Variants in GPATCH2L observed in about 807,000 individuals in gnomAD.
GPATCH2L encodes G-patch domain containing 2 like.
GPATCH2L carries 31 observed loss-of-function variants against 57.4 expected under a neutral mutation model. That is an observed-to-expected ratio of 0.54 (90% CI 0.41 to 0.73). The LOEUF is 0.73. Ranked by LOEUF, GPATCH2L falls within the 30% of genes least tolerant of loss-of-function variation. GPATCH2L has a pLI of 0.00. For missense variants in GPATCH2L, 481 were observed against 599.9 expected (o/e 0.80, Z 2.07); for synonymous variants, 199 against 210.7 (o/e 0.94, Z 0.48).
rs1007223469 is a variant in GPATCH2L at position 76,201,976 on chromosome 14, T to G, written c.*125T>G. 5 of 685,460 alleles carry G rather than the reference T, an allele frequency of 7.3e-6. No homozygotes were observed. The African/African-American group carries it at 9.2e-5, about 13-fold the overall frequency. The allele number at this position is 685,460 out of a possible 1,614,324, so 42.5% of individuals were successfully genotyped here. On this transcript the variant is annotated 3_prime_UTR_variant, in exon 10 of 10. Transcript: ENST00000261530. ...TCCTTTCACCACCAGAACCAACTCC[T>G]CTTTCAAACACAGCAGTGGATTCTT...
rs570432912 is a variant in GPATCH2L at position 76,173,419 on chromosome 14, C to G, written c.905-127C>G. On this transcript the variant is annotated intron_variant, in intron 4 of 9. Transcript: ENST00000261530. The stretch of plus-strand genomic sequence containing the variant: ...GGAATAATAAATCCTTGGCAAATAG[C>G]TCTGTGATGCTAGTTTAAAGGTCAA... The G allele has an allele frequency of 3.2e-5, 19 of 601,260 alleles. No homozygotes were observed. In the African/African-American group the frequency reaches 3.5e-4, roughly 11 times the overall value. 37.2% of individuals were successfully genotyped at this position (601,260 alleles called of 1,614,324 possible). A position where few individuals can be genotyped will look rare whatever the true frequency, so the allele number is the denominator to read the frequency against.
rs1286221049 is a variant in GPATCH2L, at chr14:76,210,712, A to C, written c.*8861A>C. On this transcript the variant is annotated 3_prime_UTR_variant, in exon 10 of 10. Coordinates refer to ENST00000261530, the MANE Select transcript of GPATCH2L (RefSeq NM_017926.4). ...TGTACCAAGGCACAACTGATTCCTA[A>C]GTGAGGGGGATATGTGTTCTGAGAT... 1 of 152,214 alleles carries C rather than the reference A, an allele frequency of 6.6e-6. No individual in the cohort carries two copies. The highest frequency in any genetic ancestry group is 1.5e-5 in the Non-Finnish European group (1 of 68,042). The allele number at this position is 152,214 out of a possible 1,614,324, so 9.4% of individuals were successfully genotyped here. A position where few individuals can be genotyped will look rare whatever the true frequency, so the allele number is the denominator to read the frequency against.
At chr14:76,164,651 T>C (rs1419126426) in intron 2 of GPATCH2L, among the ~76,000 whole-genome samples, 1 of 152,206 alleles carries the variant, frequency 6.6e-6, no homozygotes, top group Non-Finnish European at 1.5e-5. Flanking sequence ...TATTGATCTA[T>C]AGTTTTAAAA....
downstream of GPATCH2L, among the ~76,000 whole-genome samples, chr14:76,215,853 A>C (rs1037806272): frequency 1.3e-5 from 2 of 151,432 alleles, no homozygotes; most frequent in African/African-American, 4.8e-5. Context: ...CCAGCATGGC[A>C]CATGTATACA....
intron 8 of GPATCH2L, among the ~76,000 whole-genome samples, chr14:76,193,437 C>G (rs539677332): frequency 1.3e-5 from 2 of 152,258 alleles, no homozygotes; most frequent in African/African-American, 4.8e-5. Flanking sequence ...TCTTAATATA[C>G]TTCTTGAGTA....
In GPATCH2L at chr14:76,209,420, C is replaced by T. The variant is rs549565223; in HGVS notation, c.*7569C>T. The stretch of plus-strand genomic sequence containing the variant: ...GGTCCTTCTCTCACCTCCCTTGTTC[C>T]TCCTCCAAGCCCAGTGAGGTAGGAG... On this transcript the variant is annotated 3_prime_UTR_variant, in exon 10 of 10. Coordinates refer to ENST00000261530, the MANE Select transcript of GPATCH2L (RefSeq NM_017926.4). The T allele has an allele frequency of 6.6e-6, 1 of 152,398 alleles. No individual in the cohort carries two copies. Among genetic ancestry groups the T allele is most frequent in the South Asian group, 2.1e-4 (1 of 4,828 alleles). The allele number at this position is 152,398 out of a possible 1,614,324, so 9.4% of individuals were successfully genotyped here. A position where few individuals can be genotyped will look rare whatever the true frequency, so the allele number is the denominator to read the frequency against.
chr14:76,228,072 C>G (rs1566829257), intron 1 of GPATCH2L, among the ~76,000 whole-genome samples: 4 of 152,358 alleles, frequency 2.6e-5, no homozygotes, highest in Admixed American at 2.0e-4. Context: ...GTTTCCGGAT[C>G]TGTGTGGCTA....
intron 1 of GPATCH2L, among the ~76,000 whole-genome samples, chr14:76,226,771 C>G (rs1205526508): frequency 6.6e-6 from 1 of 152,196 alleles, no homozygotes; most frequent in Non-Finnish European, 1.5e-5. Flanking sequence ...GCCTCCAGAA[C>G]TGTGAAAAGT....
At chr14:76,161,332 T>A (rs1169935777) in intron 2 of GPATCH2L, among the ~76,000 whole-genome samples, 2 of 135,230 alleles carry the variant, frequency 1.5e-5, no homozygotes, top group Admixed American at 1.5e-4. Flanking sequence ...CTTTAAGATA[T>A]CTATTAATTA....
downstream of GPATCH2L, among the ~76,000 whole-genome samples, chr14:76,218,384 A>G (rs1231723540): frequency 2.6e-5 from 4 of 152,150 alleles, no homozygotes; most frequent in East Asian, 3.8e-4. Flanking sequence ...TTTTATAGAT[A>G]CAATGTCTAA....
rs34157061 is a variant in GPATCH2L, at chr14:76,235,168, CAAAAA to C, written c.*117+5227_*117+5231del. ...GGGCAACAAGAGCGAAACTCTGTCT[CAAAAA>C]AAAAAAAAAAAGAAAAAAAGAAAAT... On this transcript the variant is annotated intron_variant and NMD_transcript_variant, in intron 2 of 3. Coordinates refer to the GPATCH2L transcript ENST00000556372. Among the ~76,000 whole-genome samples, 516 of 98,778 alleles carry C rather than the reference CAAAAA, an allele frequency of 5.2e-3. 29 individuals carry two copies. In the East Asian group the frequency reaches 0.15, roughly 28 times the overall value. 64.8% of individuals were successfully genotyped at this position (98,778 alleles called of 152,430 possible). A position where few individuals can be genotyped will look rare whatever the true frequency, so the allele number is the denominator to read the frequency against.
Position 76,208,147 on chromosome 14 carries a change from C to T in GPATCH2L, c.*6296C>T, listed in dbSNP as rs2040399737. On this transcript the variant is annotated 3_prime_UTR_variant, in exon 10 of 10. Coordinates refer to ENST00000261530, the MANE Select transcript of GPATCH2L (RefSeq NM_017926.4). Reference sequence around the variant, plus strand: ...GGTGTGAGACTAAAAAGTTAGAAGGCTTTAAGATGTAAATTATATAAGTTA... The same window carrying T: ...GGTGTGAGACTAAAAAGTTAGAAGGTTTTAAGATGTAAATTATATAAGTTA... The T allele has an allele frequency of 1.3e-5, 2 of 152,060 alleles. No individual in the cohort carries two copies. Among genetic ancestry groups the T allele is most frequent in the Admixed American group, 1.3e-4 (2 of 15,272 alleles). The allele number at this position is 152,060 out of a possible 1,614,324, so 9.4% of individuals were successfully genotyped here.
chr14:76,228,509 T>A (rs55832106), intron 1 of GPATCH2L, among the ~76,000 whole-genome samples: 1 of 151,840 alleles, frequency 6.6e-6, no homozygotes, highest in African/African-American at 2.4e-5. Context: ...GGTCATCCTT[T>A]GAGATTAGCG....
intron 1 of GPATCH2L, among the ~76,000 whole-genome samples, chr14:76,220,258 A>G (rs911795753): frequency 1.3e-5 from 2 of 152,292 alleles, no homozygotes; most frequent in Non-Finnish European, 1.5e-5. Context: ...AAACCTAACT[A>G]TATCTGGCTT....
chr14:76,232,034 T>C (rs7160262), intron 2 of GPATCH2L, among the ~76,000 whole-genome samples: 99,931 of 126,060 alleles, frequency 0.79, 37,613 homozygotes, highest in South Asian at 0.86. Flanking sequence ...GCTTCAGCCC[T>C]CCAAGTAGCT....
downstream of GPATCH2L, among the ~76,000 whole-genome samples, chr14:76,217,591 CTG>C (rs1361993041): frequency 3.8e-5 from 5 of 131,170 alleles, no homozygotes; most frequent in African/African-American, 1.2e-4. Context: ...ATATATTTGA[CTG>C]TTGAAAAAAA....
intron 2 of GPATCH2L, among the ~76,000 whole-genome samples, chr14:76,157,980 A>G (rs902600752): frequency 2.0e-5 from 3 of 152,120 alleles, no homozygotes; most frequent in African/African-American, 7.2e-5. Flanking sequence ...CAGAACAACT[A>G]CTGTAAAATT....
At chr14:76,162,267 C>G (rs2038626187) in intron 2 of GPATCH2L, among the ~76,000 whole-genome samples, 1 of 152,156 alleles carries the variant, frequency 6.6e-6, no homozygotes, top group Non-Finnish European at 1.5e-5. Flanking sequence ...AGCTATTGGA[C>G]TTAGAGTCTC....
intron 2 of GPATCH2L, 55 bp from the exon 3 acceptor site, chr14:76,166,608 T>C (rs2038850954): frequency 8.4e-6 from 10 of 1,189,512 alleles, no homozygotes; most frequent in Non-Finnish European, 1.3e-5. Flanking sequence ...AAGTGTACAG[T>C]GCTTTGTTTT....
Sources: allele counts gnomAD v4.1 joint callset (sites outside exome capture counted in the v4.1 genomes callset), GRCh38; gene constraint gnomAD v4.1.1; transcripts MANE v1.5; gene names NCBI Gene and HGNC (gene_info 2026-07-23, HGNC 2026-07-21).